The following DNAJC1 variants were observed in gnomAD, a reference collection of about 807,000 sequenced individuals.
The protein encoded by DNAJC1 is DnaJ heat shock protein family (Hsp40) member C1, also known as dnaJ homolog subfamily C member 1.
A neutral mutation model predicts 76.6 loss-of-function variants in DNAJC1; 58 were observed. That is an observed-to-expected ratio of 0.76 (90% CI 0.61 to 0.94). The LOEUF (loss-of-function observed/expected upper bound fraction) is 0.94. Among genes scored for constraint, DNAJC1 ranks in the 40% least tolerant of loss-of-function variants. DNAJC1 has a pLI of 0.00. For synonymous variants in DNAJC1, 258 were observed against 267.9 expected (o/e 0.96, Z 0.36); for missense variants, 689 against 677.3 (o/e 1.02, Z -0.19).
rs745511625 is a variant in DNAJC1, at chr10:21,766,245, G to A, written c.1147+16C>T. ...AACCACTTTAGATTAATGAGATAGA[G>A]GAAGTATGAACTCACCTGGGGAGCA... On this transcript the variant is annotated intron_variant, in intron 10 of 11. Coordinates refer to ENST00000376980, the MANE Select transcript of DNAJC1 (RefSeq NM_022365.4). The A allele has an allele frequency of 2.6e-5, 42 of 1,587,286 alleles. 1 individual carries two copies. The highest frequency in any genetic ancestry group is 1.7e-5 in the Admixed American group (1 of 59,794).
chr10:21,871,344 A>G (rs977277191), intron 8 of DNAJC1, among the ~76,000 whole-genome samples: 2 of 151,738 alleles, frequency 1.3e-5, no homozygotes, highest in Admixed American at 6.6e-5. Flanking sequence ...AGCGGGGAAA[A>G]AAAAAAAAAA....
intron 1 of DNAJC1, among the ~76,000 whole-genome samples, chr10:21,935,056 C>T (rs1025567292): frequency 2.0e-5 from 3 of 151,962 alleles, no homozygotes; most frequent in African/African-American, 4.8e-5. Flanking sequence ...TTATATATAT[C>T]TAAAATGTCT....
chr10:21,757,207 A>G (rs570547648), intron 11 of DNAJC1, among the ~76,000 whole-genome samples: 2 of 152,254 alleles, frequency 1.3e-5, no homozygotes, highest in South Asian at 4.2e-4. Context: ...CCCCCAGGAC[A>G]CTGGCAGAAC....
chr10:21,875,530 A>G (rs1836173219), intron 8 of DNAJC1, among the ~76,000 whole-genome samples: 1 of 152,250 alleles, frequency 6.6e-6, no homozygotes, highest in African/African-American at 2.4e-5. Flanking sequence ...ATTGGGAATG[A>G]AACAAGGATA....
chr10:21,983,165 A>G (rs1224204950), intron 1 of DNAJC1, among the ~76,000 whole-genome samples: 1 of 152,248 alleles, frequency 6.6e-6, no homozygotes, highest in Admixed American at 6.5e-5. Flanking sequence ...TTGTATACCA[A>G]TGGTCATAGC....
At position 22,003,377 on chromosome 10, in the gene DNAJC1, C is replaced by A; in HGVS notation, c.58G>T (p.Val20Leu). 1 of 1,389,706 alleles carries A rather than the reference C, an allele frequency of 7.2e-7. No individual in the cohort carries two copies. Among genetic ancestry groups the A allele is most frequent in the Non-Finnish European group, 9.3e-7 (1 of 1,074,654 alleles). The allele number at this position is 1,389,706 out of a possible 1,614,324, so 86.1% of individuals were successfully genotyped here. A position where few individuals can be genotyped will look rare whatever the true frequency, so the allele number is the denominator to read the frequency against. The change falls in exon 1 of 12, where the codon GTG becomes TTG. Residue 20 changes from valine (V) to leucine (L), a missense_variant. Coordinates refer to ENST00000376980, the MANE Select transcript of DNAJC1 (RefSeq NM_022365.4). Reference protein sequence around the residue: ...QLPGRRQLGLVPFPPPPPRTP... With the variant: ...QLPGRRQLGLLPFPPPPPRTP... Reference sequence around the variant, plus strand: ...CGCGGCGGCGGCGGCGGGAACGGCACCAGCCCGAGCTGGCGGCGTCCAGGA... The same window carrying A: ...CGCGGCGGCGGCGGCGGGAACGGCAACAGCCCGAGCTGGCGGCGTCCAGGA...
intron 1 of DNAJC1, among the ~76,000 whole-genome samples, chr10:21,947,078 T>G (rs1460419974): frequency 2.0e-5 from 3 of 152,206 alleles, no homozygotes; most frequent in Admixed American, 2.0e-4. Context: ...AAGTATATTT[T>G]CTTTACAAAT....
At chr10:21,807,081 C>A (rs1164628290) in intron 8 of DNAJC1, among the ~76,000 whole-genome samples, 1 of 152,108 alleles carries the variant, frequency 6.6e-6, no homozygotes, top group East Asian at 1.9e-4. Flanking sequence ...TTAAACAATA[C>A]TCCAGTAGCC....
intron 8 of DNAJC1, among the ~76,000 whole-genome samples, chr10:21,849,154 A>C (rs1185929923): frequency 6.6e-6 from 1 of 151,886 alleles, no homozygotes; most frequent in East Asian, 1.9e-4. Context: ...TTAGCCAGGC[A>C]TGGTGGCACG....
chr10:21,864,521 C>CTA (rs1835965065), intron 8 of DNAJC1, among the ~76,000 whole-genome samples: 1 of 151,940 alleles, frequency 6.6e-6, no homozygotes, highest in African/African-American at 2.4e-5. Context: ...ACTCGGCAGG[C>CTA]TGAGGCAGGA....
At chr10:21,913,023 T>G (rs1021633320) in intron 6 of DNAJC1, among the ~76,000 whole-genome samples, 10 of 151,208 alleles carry the variant, frequency 6.6e-5, no homozygotes, top group Non-Finnish European at 7.4e-5. Context: ...GCCAGAGCTG[T>G]ACAGAGAAGA....
At chr10:21,972,542 T>C (rs940783349) in intron 1 of DNAJC1, among the ~76,000 whole-genome samples, 1 of 152,022 alleles carries the variant, frequency 6.6e-6, no homozygotes, top group Non-Finnish European at 1.5e-5. Context: ...ATGCAATTAA[T>C]TTAAATAAGA....
intron 9 of DNAJC1, among the ~76,000 whole-genome samples, chr10:21,787,327 C>CA (rs1564787946): frequency 2.2e-5 from 3 of 135,340 alleles, no homozygotes; most frequent in East Asian, 2.2e-4. Flanking sequence ...GATTCCGTCA[C>CA]AAAAAAAGAA....
chr10:21,849,135 C>CA (rs1039452024), intron 8 of DNAJC1, among the ~76,000 whole-genome samples: 15 of 150,154 alleles, frequency 1.0e-4, no homozygotes, highest in South Asian at 2.1e-4. Flanking sequence ...ACTAAAAATA[C>CA]AAAAAAAATT....
At chr10:21,945,917 A>C (rs1461806517) in intron 1 of DNAJC1, among the ~76,000 whole-genome samples, 3 of 105,368 alleles carry the variant, frequency 2.8e-5, no homozygotes, top group Non-Finnish European at 5.6e-5. Context: ...CTTTCTCTCC[A>C]AACTAGTGTT....
rs1368470715 is a variant in DNAJC1 at position 21,948,494 on chromosome 10, GTA to G, written c.223-19355_223-19354del. On this transcript the variant is annotated intron_variant, in intron 1 of 11. Transcript: ENST00000376980. ...GGCAGAGTGTGTTTGGTAACCTGTA[GTA>G]TATAGCACAGGCTCCCTTGGCCAAG... 4.6e-5 allele frequency among the ~76,000 whole-genome samples: 7 copies of G among 152,264 alleles called. No individual in the cohort carries two copies. In the South Asian group the frequency reaches 1.4e-3, roughly 32 times the overall value.
intron 8 of DNAJC1, among the ~76,000 whole-genome samples, chr10:21,855,355 G>A (rs943750200): frequency 6.6e-6 from 1 of 151,962 alleles, no homozygotes; most frequent in East Asian, 1.9e-4. Flanking sequence ...TTAGAGACAA[G>A]GTTTAGAGAA....
chr10:21,903,352 ACTC>A (rs1836690242), intron 7 of DNAJC1, among the ~76,000 whole-genome samples: 1 of 152,090 alleles, frequency 6.6e-6, no homozygotes, highest in Non-Finnish European at 1.5e-5. Context: ...TCATTTGCAC[ACTC>A]CTACTTTTTA....
intron 1 of DNAJC1, among the ~76,000 whole-genome samples, chr10:21,986,549 A>G (rs182398983): frequency 1.9e-4 from 29 of 152,300 alleles, no homozygotes; most frequent in African/African-American, 6.5e-4. Context: ...TTTCATCATT[A>G]ATGAATGTTT....
Sources: allele counts gnomAD v4.1 joint callset (sites outside exome capture counted in the v4.1 genomes callset), GRCh38; gene constraint gnomAD v4.1.1; transcripts MANE v1.5; gene names NCBI Gene and HGNC (gene_info 2026-07-23, HGNC 2026-07-21).